The following SPRR2F variants were observed in gnomAD, a reference collection of about 807,000 sequenced individuals.
The protein encoded by SPRR2F is small proline rich protein 2F.
SPRR2F carries 2 observed loss-of-function variants against 0.8 expected under a neutral mutation model. The observed-to-expected ratio is 2.52, with a 90% CI of 1.03 to 7.95. The LOEUF is 7.95. Ranked by LOEUF, SPRR2F falls within the 30% of genes most tolerant of loss-of-function variation. The pLI, the probability that SPRR2F is intolerant of heterozygous loss-of-function variation, is 0.04. For synonymous variants in SPRR2F, 39 were observed against 33.4 expected (o/e 1.17, Z -0.58); for missense variants, 80 against 85.8 (o/e 0.93, Z 0.27).
At chr1:153,112,909 C>T (rs964529340) in intron 1 of SPRR2F, among the ~76,000 whole-genome samples, 157 bp from the exon 2 acceptor site, 1 of 152,200 alleles carries the variant, frequency 6.6e-6, no homozygotes, top group African/African-American at 2.4e-5. Flanking sequence ...CTCACTTCCA[C>T]TTCAGCGAAT....
In SPRR2F at chr1:153,112,195, G is replaced by C; in HGVS notation, c.*320C>G. 1 of 422,480 alleles carries C rather than the reference G, an allele frequency of 2.4e-6. No individual in the cohort carries two copies. The allele number at this position is 422,480 out of a possible 1,614,324, so 26.2% of individuals were successfully genotyped here. On this transcript the variant is annotated 3_prime_UTR_variant, in exon 2 of 2. Coordinates refer to ENST00000468739, the MANE Select transcript of SPRR2F (RefSeq NM_001014450.3). ...ACAGGTGGTGGAAGCTCATGCCCAGGGGACAGACAGACACAGAAAACATCA... is the reference window on the plus strand; with the variant it reads ...ACAGGTGGTGGAAGCTCATGCCCAGCGGACAGACAGACACAGAAAACATCA...
upstream of SPRR2F, among the ~76,000 whole-genome samples, chr1:153,114,108 G>A (rs148084884): frequency 3.0e-3 from 450 of 149,422 alleles, 5 homozygotes; most frequent in African/African-American, 0.011. Context: ...TCTGGAGATG[G>A]GAGCTGACCG....
chr1:153,112,237 G>T lies in SPRR2F; in HGVS notation c.*278C>A, dbSNP rs536652997. 40 of 514,332 alleles carry T rather than the reference G, an allele frequency of 7.8e-5. No homozygotes were observed. Among genetic ancestry groups the T allele is most frequent in the Non-Finnish European group, 1.1e-4 (34 of 304,142 alleles). 31.9% of individuals were successfully genotyped at this position (514,332 alleles called of 1,614,324 possible). ...AAAACATCAACAGAATTCTCTAATG[G>T]TTCCCAGGGAGAGAGCTGCTCTTTC... is the stretch of plus-strand genomic sequence containing the variant. On this transcript the variant is annotated 3_prime_UTR_variant, in exon 2 of 2. Transcript: ENST00000468739.
chr1:153,115,902 T>C (rs1301458822), upstream of SPRR2F, among the ~76,000 whole-genome samples: 1 of 152,216 alleles, frequency 6.6e-6, no homozygotes, highest in Non-Finnish European at 1.5e-5. Flanking sequence ...AAATCATTAC[T>C]ACATAAAAAT....
At chr1:153,116,705 C>A (rs1441140583), upstream of SPRR2F, among the ~76,000 whole-genome samples, 3 of 152,070 alleles carry the variant, frequency 2.0e-5, no homozygotes, top group Non-Finnish European at 4.4e-5. Context: ...AAGCCATAGG[C>A]ACCCAATAGC....
upstream of SPRR2F, among the ~76,000 whole-genome samples, chr1:153,114,553 TAAAGTCTG>T (rs2101632261): frequency 6.6e-6 from 1 of 152,314 alleles, no homozygotes; most frequent in East Asian, 1.9e-4. Flanking sequence ...TCAGCGCACC[TAAAGTCTG>T]AAATCTGGGG....
intron 1 of SPRR2F, among the ~76,000 whole-genome samples, chr1:153,112,968 A>C (rs994328058): frequency 6.6e-6 from 1 of 152,196 alleles, no homozygotes; most frequent in Non-Finnish European, 1.5e-5. Flanking sequence ...TAATTTTTCC[A>C]AAGAAAATAT....
At chr1:153,116,376 G>A (rs1655722440), upstream of SPRR2F, among the ~76,000 whole-genome samples, 1 of 151,992 alleles carries the variant, frequency 6.6e-6, no homozygotes, top group Non-Finnish European at 1.5e-5. Flanking sequence ...CTGTTTGGTT[G>A]GTGTAATTAC....
upstream of SPRR2F, among the ~76,000 whole-genome samples, chr1:153,118,316 A>C (rs774369745): frequency 1.6e-4 from 25 of 152,100 alleles, no homozygotes; most frequent in Non-Finnish European, 2.8e-4. Context: ...TAAAGACTAC[A>C]TACTTTAAGG....
chr1:153,119,056 T>G, the SPRR2F span, among the ~76,000 whole-genome samples: 1 of 152,182 alleles, frequency 6.6e-6, no homozygotes. Flanking sequence ...GGATGTTATA[T>G]ATAATCCCCA....
the SPRR2F span, among the ~76,000 whole-genome samples, chr1:153,118,690 A>G: frequency 6.6e-6 from 1 of 152,198 alleles, no homozygotes; most frequent in Non-Finnish European, 1.5e-5. Flanking sequence ...CATTGCTCCT[A>G]GATTTCCTGT....
upstream of SPRR2F, among the ~76,000 whole-genome samples, chr1:153,116,862 GTTA>G (rs1655730511): frequency 2.0e-5 from 3 of 152,186 alleles, no homozygotes; most frequent in Admixed American, 2.0e-4. Context: ...GAAATTGATA[GTTA>G]TTAAGACAGG....
At chr1:153,114,983 G>A (rs965973102), upstream of SPRR2F, among the ~76,000 whole-genome samples, 1 of 152,168 alleles carries the variant, frequency 6.6e-6, no homozygotes, top group Non-Finnish European at 1.5e-5. Flanking sequence ...AAGAGGAAGA[G>A]GAAAGACTCA....
chr1:153,115,572 C>T (rs1655707607), upstream of SPRR2F, among the ~76,000 whole-genome samples: 1 of 152,108 alleles, frequency 6.6e-6, no homozygotes, highest in Admixed American at 6.5e-5. Flanking sequence ...GAGTTTCTCA[C>T]AGACCAGCTA....
chr1:153,115,079 T>C (rs1046089441), upstream of SPRR2F, among the ~76,000 whole-genome samples: 3 of 152,082 alleles, frequency 2.0e-5, no homozygotes, highest in Non-Finnish European at 4.4e-5. Flanking sequence ...GTTAAGCAGG[T>C]TAGGTTCCCA....
In SPRR2F at chr1:153,112,157, A is replaced by C; in HGVS notation, c.*358T>G. On this transcript the variant is annotated 3_prime_UTR_variant, in exon 2 of 2. Coordinates refer to ENST00000468739, the MANE Select transcript of SPRR2F (RefSeq NM_001014450.3). ...ATTCTTTATTCAGGGAGTGAAAGGAAAGTGACAACTGCACAGGTGGTGGAA... is the reference window on the plus strand; with the variant it reads ...ATTCTTTATTCAGGGAGTGAAAGGACAGTGACAACTGCACAGGTGGTGGAA... 2.8e-6 allele frequency: 1 copy of C among 355,572 alleles called. No individual in the cohort carries two copies. The highest frequency in any genetic ancestry group is 5.1e-6 in the Non-Finnish European group (1 of 197,214). The allele number at this position is 355,572 out of a possible 1,614,324, so 22.0% of individuals were successfully genotyped here.
chr1:153,113,824 T>C (rs745683506), upstream of SPRR2F, among the ~76,000 whole-genome samples: 13 of 151,962 alleles, frequency 8.6e-5, no homozygotes, highest in Non-Finnish European at 1.5e-4. Flanking sequence ...CAATGATCCT[T>C]TCCTGTCTTA....
chr1:153,114,249 C>G (rs569383447), upstream of SPRR2F, among the ~76,000 whole-genome samples: 1 of 152,042 alleles, frequency 6.6e-6, no homozygotes, highest in Non-Finnish European at 1.5e-5. Context: ...CCAATTTGTA[C>G]AGGCAATTGT....
upstream of SPRR2F, among the ~76,000 whole-genome samples, chr1:153,117,487 A>C (rs553119614): frequency 4.6e-5 from 7 of 152,162 alleles, no homozygotes; most frequent in East Asian, 1.2e-3. Context: ...TTAGCTGTTC[A>C]GGACAATAAA....
Sources: gnomAD v4.1 joint callset for allele counts (sites outside exome capture counted in the v4.1 genomes callset) on GRCh38, gnomAD v4.1.1 for gene constraint, MANE v1.5 for transcripts, NCBI Gene and HGNC (gene_info 2026-07-23, HGNC 2026-07-21) for gene names.